Variants in DNAJA3 observed in about 807,000 individuals in gnomAD.
DNAJA3 encodes DnaJ heat shock protein family (Hsp40) member A3.
In DNAJA3, 29 loss-of-function variants were observed where a neutral mutation model predicts 54.9. The observed-to-expected ratio is 0.53, with a 90% confidence interval of 0.39 to 0.72. The LOEUF is 0.72. Ranked by LOEUF, DNAJA3 falls within the 30% of genes least tolerant of loss-of-function variation. The pLI is 0.00. For missense variants in DNAJA3, 708 were observed against 639.4 expected, an observed-to-expected ratio of 1.11 and a Z score of -1.16; for synonymous variants, 302 against 251.4, an observed-to-expected ratio of 1.20 and a Z score of -1.90.
intron 1 of DNAJA3, chr16:4,431,989 T>G (rs1382821184): frequency 6.6e-6 from 1 of 152,046 alleles, no homozygotes; most frequent in East Asian, 1.9e-4. Flanking sequence ...TCTAAGGCCC[T>G]TCCTATTCCT....
At chr16:4,438,635 C>CTTTTTTTTT (rs56211652) in intron 3 of DNAJA3, among the ~76,000 whole-genome samples, 34 of 110,642 alleles carry the variant, frequency 3.1e-4, no homozygotes, top group Non-Finnish European at 4.1e-4. Flanking sequence ...ACAATCTTTT[C>CTTTTTTTTT]TTTTTTTTTT....
intron 2 of DNAJA3, 63 bp from the exon 3 acceptor site, chr16:4,437,339 T>C (rs2056783625): frequency 7.2e-7 from 1 of 1,390,410 alleles, no homozygotes; most frequent in East Asian, 2.3e-5. Flanking sequence ...TCGGGGGTTT[T>C]GTTGTTTCTG....
At chr16:4,429,949 A>G (rs970641580) in intron 1 of DNAJA3, among the ~76,000 whole-genome samples, 2 of 151,780 alleles carry the variant, frequency 1.3e-5, no homozygotes, top group Admixed American at 1.3e-4. Flanking sequence ...GTGAGCCATG[A>G]TGATGCCACT....
At chr16:4,454,786 A>C (rs1409589262) in intron 10 of DNAJA3, 25 bp from the exon 11 acceptor site, 1 of 1,565,826 alleles carries the variant, frequency 6.4e-7, no homozygotes, top group Admixed American at 1.7e-5. Flanking sequence ...CCATGACGCC[A>C]GTTCTTTCTG....
In DNAJA3 at chr16:4,448,800, G is replaced by C. The variant is rs1473136603; in HGVS notation, c.1193G>C (p.Ser398Thr). The change falls in exon 9 of 12, where the codon AGC (serine) becomes ACC (threonine). Residue 398 changes from serine to threonine, a missense_variant. By Grantham distance (58) the Ser-to-Thr change is moderately conservative. Coordinates refer to ENST00000262375, the MANE Select transcript of DNAJA3 (RefSeq NM_005147.6). ...GGGAAAGGCATCCCCCGGATTAACA[G>C]CTACGGCTACGGAGACCACTACATC... is the stretch of plus-strand genomic sequence containing the variant. ...MGGKGIPRIN[S>T]YGYGDHYIHI... The C allele has an allele frequency of 1.2e-6, 2 of 1,614,084 alleles. No homozygotes were observed. Among genetic ancestry groups the C allele is most frequent in the African/African-American group, 1.3e-5 (1 of 75,030 alleles).
chr16:4,453,279 C>T (rs2056997632), intron 10 of DNAJA3, among the ~76,000 whole-genome samples: 1 of 152,068 alleles, frequency 6.6e-6, no homozygotes, highest in Non-Finnish European at 1.5e-5. Context: ...TAAGAGCTGA[C>T]CCCGGTCTCC....
At chr16:4,455,375 C>A (rs531852706) in intron 11 of DNAJA3, 171 bp from the exon 12 acceptor site, 290 of 709,618 alleles carry the variant, frequency 4.1e-4, no homozygotes, top group Admixed American at 8.4e-4. Context: ...GTAGCGCTTG[C>A]TCGCCGTGTC....
In DNAJA3 at chr16:4,426,074, C is replaced by G; in HGVS notation, c.193C>G (p.Pro65Ala). The G allele has an allele frequency of 6.3e-7, 1 of 1,599,386 alleles. No homozygotes were observed. The highest frequency in any genetic ancestry group is 8.5e-7 in the Non-Finnish European group (1 of 1,173,352). The part of the protein sequence containing the change: ...CGPRALLTLR[P>A]GVSLTGTKHN... ...CCCCCGAGCGCTGCTGACATTGAGA[C>G]CTGGTGTCAGCCTTACAGGTGAGGG... The change falls in exon 1 of 12, where the codon CCT becomes GCT. Residue 65 changes from proline to alanine, a missense_variant. Coordinates refer to ENST00000262375, the MANE Select transcript of DNAJA3 (RefSeq NM_005147.6).
intron 1 of DNAJA3, chr16:4,427,234 A>T (rs1428386967): frequency 6.6e-6 from 1 of 152,100 alleles, no homozygotes; most frequent in African/African-American, 2.4e-5. Flanking sequence ...TTCTTTTCTT[A>T]TGCCGTGTGT....
chr16:4,435,089 G>A (rs7204833), intron 2 of DNAJA3, among the ~76,000 whole-genome samples: 4 of 151,610 alleles, frequency 2.6e-5, no homozygotes, highest in Admixed American at 1.3e-4. Context: ...TAGTAGAGAC[G>A]CGGTTTCACT....
At chr16:4,455,052 G>A (rs2057019788) in intron 11 of DNAJA3, 125 bp downstream of exon 11, 1 of 682,958 alleles carries the variant, frequency 1.5e-6, no homozygotes, top group Non-Finnish European at 2.6e-6. Flanking sequence ...AGTCCAAGGT[G>A]TGGTAAACCT....
intron 3 of DNAJA3, chr16:4,441,047 G>A (rs1214743226): frequency 4.9e-6 from 2 of 408,594 alleles, no homozygotes; most frequent in Non-Finnish European, 8.8e-6. Flanking sequence ...TGTCCCCTGA[G>A]GAGAGAGGTG....
At chr16:4,436,782 C>CGCCT (rs1477936802) in intron 2 of DNAJA3, among the ~76,000 whole-genome samples, 2 of 152,172 alleles carry the variant, frequency 1.3e-5, no homozygotes, top group African/African-American at 4.8e-5. Flanking sequence ...GTGATCCACC[C>CGCCT]AGCTCAGCAT....
Position 4,442,129 on chromosome 16 carries a change from A to G in DNAJA3, c.631-139A>G, listed in dbSNP as rs2056843283. On this transcript the variant is annotated intron_variant, in intron 4 of 11. Coordinates refer to ENST00000262375, the MANE Select transcript of DNAJA3 (RefSeq NM_005147.6). ...CGTTCAGTGAGTCCTACCTATGCTT[A>G]CTTGGCAGAGTGCAAGTAAGTACAG... is the stretch of plus-strand genomic sequence containing the variant. 3 of 843,920 alleles carry G rather than the reference A, an allele frequency of 3.6e-6. No individual in the cohort carries two copies. In the African/African-American group the frequency reaches 5.2e-5, roughly 15 times the overall value. The allele number at this position is 843,920 out of a possible 1,614,324, so 52.3% of individuals were successfully genotyped here.
intron 10 of DNAJA3, among the ~76,000 whole-genome samples, chr16:4,451,752 G>GAAA (rs57814611): frequency 1.7e-4 from 7 of 41,854 alleles, no homozygotes; most frequent in African/African-American, 7.1e-4. Flanking sequence ...GAGACTCTCT[G>GAAA]AAAAAAAAAA....
intron 9 of DNAJA3, 25 bp from the exon 10 acceptor site, chr16:4,450,375 G>A (rs756096999): frequency 6.4e-7 from 1 of 1,571,756 alleles, no homozygotes; most frequent in South Asian, 1.2e-5. Flanking sequence ...GGAAGCCTTG[G>A]CTGCTGACTC....
chr16:4,448,813 A>G lies in DNAJA3; in HGVS notation c.1206A>G (p.Gly402=), dbSNP rs775850018. ...GIPRINSYGY[G]DHYIHIKIRV... ...CCCGGATTAACAGCTACGGCTACGG[A>G]GACCACTACATCCACATCAAGATAC... is the stretch of plus-strand genomic sequence containing the variant. Residue 402 remains glycine, a synonymous_variant, in exon 9 of 12, where the codon GGA becomes GGG. Coordinates refer to ENST00000262375, the MANE Select transcript of DNAJA3 (RefSeq NM_005147.6). 79 of 1,614,046 alleles carry G rather than the reference A, an allele frequency of 4.9e-5. 1 individual carries two copies. In the South Asian group the frequency reaches 8.7e-4, roughly 18 times the overall value.
chr16:4,455,227 C>T (rs569767289), intron 11 of DNAJA3, among the ~76,000 whole-genome samples: 5 of 152,294 alleles, frequency 3.3e-5, no homozygotes, highest in South Asian at 2.1e-4. Flanking sequence ...GTGGTGGGTC[C>T]GGCTTGCCCA....
intron 1 of DNAJA3, among the ~76,000 whole-genome samples, chr16:4,429,962 A>C (rs888141892): frequency 6.6e-6 from 1 of 151,728 alleles, no homozygotes; most frequent in African/African-American, 2.4e-5. Flanking sequence ...ATGCCACTGC[A>C]CTCCAGCCTG....
Sources: gnomAD v4.1 joint callset for allele counts (sites outside exome capture counted in the v4.1 genomes callset) on GRCh38, gnomAD v4.1.1 for gene constraint, MANE v1.5 for transcripts, NCBI Gene and HGNC (gene_info 2026-07-23, HGNC 2026-07-21) for gene names.